DHX37: variants seen among roughly 807,000 people sequenced by gnomAD.
The protein encoded by DHX37 is probable ATP-dependent RNA helicase DHX37.
DHX37 carries 52 observed loss-of-function variants against 134.3 expected under a neutral mutation model. That is an observed-to-expected ratio of 0.39 (90% confidence interval 0.31 to 0.49). The LOEUF (loss-of-function observed/expected upper bound fraction) is 0.49. Ranked by LOEUF, DHX37 falls within the 20% of genes least tolerant of loss-of-function variation. DHX37 has a pLI of 0.93. For synonymous variants in DHX37, 634 were observed against 670.7 expected (o/e 0.95, Z 0.85); for missense variants, 1,344 against 1,580.8 (o/e 0.85, Z 2.54).
intron 21 of DHX37, 74 bp from the exon 22 acceptor site, chr12:124,950,878 G>A (rs1953966092): frequency 1.3e-6 from 2 of 1,484,154 alleles, no homozygotes; most frequent in Non-Finnish European, 8.9e-7. Context: ...CAACCCAGGA[G>A]AAGAATCTGA....
chr12:124,976,712 C>A (rs573992675), intron 5 of DHX37, among the ~76,000 whole-genome samples: 1 of 152,220 alleles, frequency 6.6e-6, no homozygotes, highest in East Asian at 1.9e-4. Flanking sequence ...CGCCTGTAGT[C>A]CCAGCTACTT....
intron 15 of DHX37, among the ~76,000 whole-genome samples, chr12:124,961,220 A>G (rs200022382): frequency 8.6e-5 from 9 of 104,936 alleles, no homozygotes; most frequent in East Asian, 5.0e-4. Flanking sequence ...GCACGCACGC[A>G]CACGCACGCA....
In DHX37 at chr12:124,968,520, G is replaced by A. The variant is rs867495704; in HGVS notation, c.1408+14C>T. 3 of 1,611,620 alleles carry A rather than the reference G, an allele frequency of 1.9e-6. No individual in the cohort carries two copies. Among genetic ancestry groups the A allele is most frequent in the Middle Eastern group, 1.7e-4 (1 of 6,060 alleles). Reference sequence around the variant, plus strand: ...AAGGGAGGCTTCTTTCCCCTGACCTGGCCAGGGCCTCACCTGCGGGCAGCA... The same window carrying A: ...AAGGGAGGCTTCTTTCCCCTGACCTAGCCAGGGCCTCACCTGCGGGCAGCA... On this transcript the variant is annotated intron_variant, in intron 10 of 26. Coordinates refer to ENST00000308736, the MANE Select transcript of DHX37 (RefSeq NM_032656.4).
chr12:124,986,051 C>T, intron 2 of DHX37, 45 bp downstream of exon 2: 5 of 1,606,182 alleles, frequency 3.1e-6, no homozygotes, highest in Admixed American at 1.7e-5. Context: ...CCATCTCTCT[C>T]TATGCTGGAG....
At chr12:124,984,289 C>T (rs144864680) in intron 2 of DHX37, among the ~76,000 whole-genome samples, 6 of 152,252 alleles carry the variant, frequency 3.9e-5, no homozygotes, top group East Asian at 1.9e-4. Context: ...TCCCTGCACT[C>T]GGGGAGGCCG....
Position 124,980,252 on chromosome 12 carries a change from G to T in DHX37, c.738+238C>A, listed in dbSNP as rs564112741. 6.6e-6 allele frequency among the ~76,000 whole-genome samples: 1 copy of T among 152,236 alleles called. No homozygotes were observed. The highest frequency in any genetic ancestry group is 1.5e-5 in the Non-Finnish European group (1 of 68,038). Reference sequence around the variant, plus strand: ...CAGTGGCGATGAAGCTACTGCCGCCGACCTCCAGGGCCCCGAGCCTGCCAG... The same window carrying T: ...CAGTGGCGATGAAGCTACTGCCGCCTACCTCCAGGGCCCCGAGCCTGCCAG... On this transcript the variant is annotated intron_variant, in intron 4 of 26. Transcript: ENST00000308736. This position sits in a 1 kb window ranked among gnomAD's most constrained non-coding sequence, Gnocchi z 5.3.
chr12:124,989,112 G>C lies in DHX37; in HGVS notation c.-90C>G, dbSNP rs182839832. The C allele has an allele frequency of 3.4e-3, 2,743 of 811,768 alleles. 38 individuals carry two copies. The highest frequency in any genetic ancestry group is 0.03 in the African/African-American group (1,699 of 56,026). 50.3% of individuals were successfully genotyped at this position (811,768 alleles called of 1,614,324 possible). ...CGTGGGTTCCCAGACCACCAACTCC[G>C]GCCGTGAGACTTCCGGGTTGTGTTA... is the stretch of plus-strand genomic sequence containing the variant. On this transcript the variant is annotated 5_prime_UTR_variant, in exon 1 of 27. Transcript: ENST00000308736.
At chr12:124,948,006 C>T in intron 26 of DHX37, 78 bp downstream of exon 26, 1 of 1,613,798 alleles carries the variant, frequency 6.2e-7, no homozygotes, top group Middle Eastern at 1.7e-4. Flanking sequence ...CCAGGGCTGA[C>T]CGTGCACAAA....
At chr12:124,981,952 C>T (rs985634256) in intron 3 of DHX37, among the ~76,000 whole-genome samples, 11 of 151,460 alleles carry the variant, frequency 7.3e-5, no homozygotes, top group Middle Eastern at 3.2e-3. Context: ...GGAGAAACCC[C>T]GTCTCTACTA....
Position 124,953,956 on chromosome 12 carries a change from CTG to C in DHX37, c.2617_2618del (p.Gln873ValfsTer34), listed in dbSNP as rs762202431. ...GACEYASCTP[Q>X]FCEANGLRYK... ...ACCGCAGCCCGTTGGCTTCGCAAAA[CTG>C]GGGTGTGCAGCTGGCATACTCACAG... On this transcript the variant is annotated frameshift_variant, in exon 20 of 27. Transcript: ENST00000308736. LOFTEE classifies it high-confidence loss of function. 1 of 1,613,352 alleles carries C rather than the reference CTG, an allele frequency of 6.2e-7. No homozygotes were observed. The highest frequency in any genetic ancestry group is 8.5e-7 in the Non-Finnish European group (1 of 1,179,958).
chr12:124,959,616 C>T (rs1954185386), intron 16 of DHX37, among the ~76,000 whole-genome samples: 1 of 152,166 alleles, frequency 6.6e-6, no homozygotes, highest in Admixed American at 6.5e-5. Context: ...GAATAAAGTA[C>T]AGGATGTTAT....
chr12:124,948,328 T>G, intron 25 of DHX37, 147 bp from the exon 26 acceptor site: 2 of 1,373,008 alleles, frequency 1.5e-6, no homozygotes, highest in Non-Finnish European at 1.9e-6. Flanking sequence ...CATGCACCTG[T>G]AGCCCCAGTT....
chr12:124,959,896 G>A (rs1270464023), intron 16 of DHX37, among the ~76,000 whole-genome samples: 1 of 152,228 alleles, frequency 6.6e-6, no homozygotes, highest in African/African-American at 2.4e-5. Flanking sequence ...CCACAGGACA[G>A]CACGCAGCGT....
chr12:124,951,597 G>C (rs1236908592), intron 21 of DHX37, among the ~76,000 whole-genome samples: 1 of 152,148 alleles, frequency 6.6e-6, no homozygotes, highest in Non-Finnish European at 1.5e-5. Flanking sequence ...ACTTTAAATG[G>C]GTTTAAATGC....
intron 20 of DHX37, 24 bp from the exon 21 acceptor site, chr12:124,952,594 G>A (rs1406060022): frequency 6.4e-7 from 1 of 1,551,616 alleles, no homozygotes; most frequent in Non-Finnish European, 8.8e-7. Context: ...CAAGAGTGAG[G>A]TCGGTGGTGG....
intron 15 of DHX37, among the ~76,000 whole-genome samples, chr12:124,961,206 G>A (rs1276649086): frequency 1.2e-5 from 1 of 83,232 alleles, no homozygotes; most frequent in African/African-American, 4.3e-5. Context: ...ACACATACAC[G>A]TGTGCACGCA....
At position 124,975,435 on chromosome 12, in the gene DHX37, T is replaced by C; in HGVS notation, c.964A>G (p.Met322Val). ...VAMSQRVAKE[M>V]NLSQRVVSYQ... ...AGCCCTCACCGCTGGGACAGATTCA[T>C]CTCCTTGGCCACTCGCTGGGACATG... Residue 322 changes from methionine (M) to valine (V), a missense_variant, in exon 6 of 27, where the codon ATG becomes GTG. Physicochemically the swap from Met to Val is conservative, Grantham distance 21. Transcript: ENST00000308736. The C allele has an allele frequency of 6.2e-7, 1 of 1,612,900 alleles. No homozygotes were observed. The highest frequency in any genetic ancestry group is 8.5e-7 in the Non-Finnish European group (1 of 1,179,980).
chr12:124,965,863 G>C (rs760802920), intron 12 of DHX37, 51 bp from the exon 13 acceptor site: 10 of 1,583,856 alleles, frequency 6.3e-6, no homozygotes, highest in Non-Finnish European at 8.6e-6. Context: ...CTGGGTGTGA[G>C]GACGTGGCAC....
intron 16 of DHX37, among the ~76,000 whole-genome samples, chr12:124,957,687 T>C (rs1954125965): frequency 6.6e-6 from 1 of 152,150 alleles, no homozygotes; most frequent in South Asian, 2.1e-4. Flanking sequence ...CTTGGGAGGC[T>C]GAGACAGGAG....
Sources: allele counts gnomAD v4.1 joint callset (sites outside exome capture counted in the v4.1 genomes callset), GRCh38; gene constraint gnomAD v4.1.1; non-coding constraint Gnocchi (gnomAD v3.1); transcripts MANE v1.5; gene names NCBI Gene and HGNC (gene_info 2026-07-23, HGNC 2026-07-21).